PLOD2: variants seen among roughly 807,000 people sequenced by gnomAD.
PLOD2 encodes the protein procollagen-lysine,2-oxoglutarate 5-dioxygenase 2, also known as lysine hydroxylase 2.
PLOD2 carries 65 observed loss-of-function variants against 101.0 expected under a neutral mutation model. The observed-to-expected ratio is 0.64, with a 90% CI of 0.53 to 0.79. PLOD2 has a LOEUF of 0.79. Among genes scored for constraint, PLOD2 ranks in the 30% least tolerant of loss-of-function variants. The pLI, the probability that PLOD2 is intolerant of heterozygous loss-of-function variation, is 0.00. For synonymous variants in PLOD2, 314 were observed against 302.9 expected (o/e 1.04, Z -0.38); for missense variants, 909 against 914.6 (o/e 0.99, Z 0.08).
chr3:146,123,381 A>G, intron 2 of PLOD2: 1 of 496,908 alleles, frequency 2.0e-6, no homozygotes, highest in Non-Finnish European at 2.9e-6. Context: ...AGCTGAGTTT[A>G]ATAGTTCTAT....
At chr3:146,112,917 A>G (rs1055602605) in intron 3 of PLOD2, among the ~76,000 whole-genome samples, 3 of 151,920 alleles carry the variant, frequency 2.0e-5, no homozygotes, top group Admixed American at 1.3e-4. Flanking sequence ...TGGCACATGT[A>G]TACCTATGTA....
chr3:146,140,817 A>G (rs1254879318), intron 1 of PLOD2, among the ~76,000 whole-genome samples: 1 of 152,090 alleles, frequency 6.6e-6, no homozygotes, highest in Non-Finnish European at 1.5e-5. Flanking sequence ...ATGATCACTT[A>G]CCATATTTTC....
At chr3:146,149,818 T>A (rs982907029) in intron 1 of PLOD2, among the ~76,000 whole-genome samples, 1 of 151,940 alleles carries the variant, frequency 6.6e-6, no homozygotes, top group Admixed American at 6.6e-5. Flanking sequence ...ACTGTATAAG[T>A]AACTATATAT....
intron 4 of PLOD2, 101 bp from the exon 5 acceptor site, chr3:146,106,745 G>T: frequency 1.3e-6 from 1 of 759,852 alleles, no homozygotes; most frequent in African/African-American, 1.7e-5. Flanking sequence ...GTGAAGTCAT[G>T]AAGCCTAATT....
intron 1 of PLOD2, among the ~76,000 whole-genome samples, chr3:146,138,674 G>A (rs1375159194): frequency 1.3e-5 from 2 of 152,140 alleles, no homozygotes; most frequent in African/African-American, 4.8e-5. Flanking sequence ...AAGTCAGAAT[G>A]AATAGACTGT....
rs182686028 is a variant in PLOD2 at position 146,098,124 on chromosome 3, C to T, written c.777+4631G>A. Among the ~76,000 whole-genome samples the T allele has an allele frequency of 3.6e-4, 55 of 152,212 alleles. 1 individual carries two copies. The highest frequency in any genetic ancestry group is 4.3e-4 in the Non-Finnish European group (29 of 68,008). ...CATGCAGAGTTAAAAACCTAGATGACGGATTGACAGGTGCAGCAAACCACC... is the reference window on the plus strand; with the variant it reads ...CATGCAGAGTTAAAAACCTAGATGATGGATTGACAGGTGCAGCAAACCACC... On this transcript the variant is annotated intron_variant, in intron 7 of 19. Coordinates refer to ENST00000282903, the MANE Select transcript of PLOD2 (RefSeq NM_182943.3).
At chr3:146,128,244 C>T (rs2030695534) in intron 1 of PLOD2, among the ~76,000 whole-genome samples, 1 of 152,082 alleles carries the variant, frequency 6.6e-6, no homozygotes, top group Non-Finnish European at 1.5e-5. Context: ...CAGGCACCTG[C>T]CAACCACTAA....
Position 146,110,351 on chromosome 3 carries a change from G to T in PLOD2, c.436C>A (p.Pro146Thr), listed in dbSNP as rs200980932. Reference sequence around the variant, plus strand: ...TACTTGTCTGCTAGTCTTTTATCTGGCCACAAAATTCCATCTGCTGCAAAG... The same window carrying T: ...TACTTGTCTGCTAGTCTTTTATCTGTCCACAAAATTCCATCTGCTGCAAAG... ...VVFAADGILW[P>T]DKRLADKYPV... Residue 146 changes from proline to threonine, a missense_variant, in exon 4 of 20, where the codon CCA becomes ACA. By Grantham distance (38) the Pro-to-Thr change is conservative (BLOSUM62 -1). Coordinates refer to ENST00000282903, the MANE Select transcript of PLOD2 (RefSeq NM_182943.3). 3.1e-6 allele frequency: 5 copies of T among 1,613,686 alleles called. No homozygotes were observed. The highest frequency in any genetic ancestry group is 4.2e-6 in the Non-Finnish European group (5 of 1,179,762).
intron 9 of PLOD2, among the ~76,000 whole-genome samples, chr3:146,088,286 A>AG (rs376233514): frequency 7.9e-5 from 12 of 151,772 alleles, no homozygotes; most frequent in African/African-American, 2.9e-4. Context: ...CCAAAGGCAA[A>AG]GGGATTTAAG....
intron 1 of PLOD2, among the ~76,000 whole-genome samples, chr3:146,126,372 A>G (rs893150246): frequency 8.5e-5 from 13 of 152,164 alleles, no homozygotes; most frequent in African/African-American, 2.9e-4. Flanking sequence ...TAGTGTTGAC[A>G]TGTATCACCC....
At chr3:146,107,439 G>A (rs1394474164) in intron 4 of PLOD2, among the ~76,000 whole-genome samples, 2 of 151,854 alleles carry the variant, frequency 1.3e-5, no homozygotes, top group Non-Finnish European at 2.9e-5. Flanking sequence ...CTTTTAAAAA[G>A]GAACCAATGT....
chr3:146,110,480 T>C, intron 3 of PLOD2, 32 bp from the exon 4 acceptor site: 1 of 1,569,190 alleles, frequency 6.4e-7, no homozygotes, highest in Admixed American at 1.7e-5. Flanking sequence ...TGTTTTAAAA[T>C]ACACTTGTCA....
intron 12 of PLOD2, 50 bp downstream of exon 12, chr3:146,081,688 A>G: frequency 6.7e-7 from 1 of 1,491,688 alleles, no homozygotes; most frequent in Non-Finnish European, 9.3e-7. Flanking sequence ...ACAAGACTAC[A>G]TCTTTAGATT....
At chr3:146,075,217 A>T (rs527376145) in intron 15 of PLOD2, among the ~76,000 whole-genome samples, 1 of 151,796 alleles carries the variant, frequency 6.6e-6, no homozygotes, top group African/African-American at 2.4e-5. Context: ...GTCAAAAGAT[A>T]ATATTTTCCT....
intron 7 of PLOD2, among the ~76,000 whole-genome samples, chr3:146,098,889 G>C (rs1937290468): frequency 6.6e-6 from 1 of 152,040 alleles, no homozygotes; most frequent in African/African-American, 2.4e-5. Flanking sequence ...AAAAATGTTT[G>C]TAATAATCAG....
chr3:146,111,732 C>A (rs938201660), intron 3 of PLOD2, among the ~76,000 whole-genome samples: 11 of 145,694 alleles, frequency 7.6e-5, no homozygotes, highest in Non-Finnish European at 7.6e-5. Flanking sequence ...AAAAAAAAAA[C>A]TGATTAATCT....
At chr3:146,160,675 G>A (rs1283048513) in intron 1 of PLOD2, 1 of 562,096 alleles carries the variant, frequency 1.8e-6, no homozygotes, top group Non-Finnish European at 3.2e-6. Context: ...GAACTCCAAG[G>A]AGTCAACGAG....
intron 13 of PLOD2, 141 bp downstream of exon 13, chr3:146,078,975 A>AT (rs1194155930): frequency 5.3e-6 from 4 of 761,840 alleles, no homozygotes; most frequent in East Asian, 2.5e-5. Flanking sequence ...TTACTCCCAA[A>AT]TTTTTTAACA....
chr3:146,112,849 C>CAA lies in PLOD2; in HGVS notation c.339-2403_339-2402dup, dbSNP rs201790733. On this transcript the variant is annotated intron_variant, in intron 3 of 19. Transcript: ENST00000282903. The stretch of plus-strand genomic sequence containing the variant: ...CTGGTGACAGAGTGAGACTTGGTCT[C>CAA]AAAAAAAAAAAAAAACAAAACTCTA... 5.4e-5 allele frequency among the ~76,000 whole-genome samples: 5 copies of CAA among 92,132 alleles called. 1 individual carries two copies. Among genetic ancestry groups the CAA allele is most frequent in the African/African-American group, 1.0e-4 (2 of 19,170 alleles). 60.4% of individuals were successfully genotyped at this position (92,132 alleles called of 152,430 possible). A position where few individuals can be genotyped will look rare whatever the true frequency, so the allele number is the denominator to read the frequency against.
Sources: gnomAD v4.1 joint callset for allele counts (sites outside exome capture counted in the v4.1 genomes callset) on GRCh38, gnomAD v4.1.1 for gene constraint, MANE v1.5 for transcripts, NCBI Gene and HGNC (gene_info 2026-07-23, HGNC 2026-07-21) for gene names.